PACRGL: variants seen among roughly 807,000 people sequenced by gnomAD.
PACRGL encodes the protein parkin coregulated like, also known as PACRG-like protein.
PACRGL carries 38 observed loss-of-function variants against 34.5 expected under a neutral mutation model. The observed-to-expected ratio is 1.10, with a 90% CI of 0.85 to 1.44. The LOEUF is 1.44. Ranked by LOEUF, PACRGL falls within the 40% of genes most tolerant of loss-of-function variation. The pLI is 0.00. For synonymous variants in PACRGL, 128 were observed against 100.1 expected (o/e 1.28, Z -1.66); for missense variants, 305 against 281.4 (o/e 1.08, Z -0.60).
intron 8 of PACRGL, among the ~76,000 whole-genome samples, chr4:20,746,457 C>G (rs950457919): frequency 6.6e-6 from 1 of 151,880 alleles, no homozygotes; most frequent in Admixed American, 6.6e-5. Context: ...ACCACCATGG[C>G]ACGTGTATAC....
intron 7 of PACRGL, among the ~76,000 whole-genome samples, chr4:20,721,916 C>T (rs1578299512): frequency 6.6e-6 from 1 of 152,248 alleles, no homozygotes; most frequent in African/African-American, 2.4e-5. Context: ...ATGCCCTGCC[C>T]CCAGAGGTGG....
chr4:20,752,875 T>C (rs1753889618), downstream of PACRGL: 1 of 152,244 alleles, frequency 6.6e-6, no homozygotes, highest in Non-Finnish European at 1.5e-5. Context: ...TCTTAAGCAC[T>C]CAATAAATAT....
rs200005672 is a variant in PACRGL at position 20,709,725 on chromosome 4, T to A, written c.318T>A (p.Cys106Ter). Reference protein sequence around the residue: ...GSVKHRLQWECPPESLSFDPL... With the variant: ...GSVKHRLQWE The stretch of plus-strand genomic sequence containing the variant: ...TAAAACACAGATTACAGTGGGAATG[T>A]CCTCCTGAAAGTCTTTCATTTGATC... The change falls in exon 5 of 9, where the codon TGT (cysteine) becomes TGA (stop). Residue 106 changes from cysteine (C) to a stop codon, truncating the protein, a stop_gained. Coordinates refer to ENST00000503585, the MANE Select transcript of PACRGL (RefSeq NM_001258345.3). LOFTEE classifies it high-confidence loss of function. 6.9e-5 allele frequency: 111 copies of A among 1,610,462 alleles called. No individual in the cohort carries two copies. Among genetic ancestry groups the A allele is most frequent in the Middle Eastern group, 4.9e-4 (3 of 6,068 alleles).
chr4:20,747,348 G>A (rs1285497185), intron 8 of PACRGL, among the ~76,000 whole-genome samples: 2 of 152,116 alleles, frequency 1.3e-5, no homozygotes, highest in East Asian at 3.9e-4. Context: ...TATATTAGGT[G>A]AACTATATTA....
At chr4:20,697,231 T>A (rs1731279951), upstream of PACRGL, among the ~76,000 whole-genome samples, 1 of 152,222 alleles carries the variant, frequency 6.6e-6, no homozygotes. Flanking sequence ...ATTTCTTGTA[T>A]CACATTTCTC....
At position 20,727,544 on chromosome 4, in the gene PACRGL, G is replaced by C. The variant is rs1435408524; in HGVS notation, c.*203G>C. The C allele has an allele frequency of 2.1e-6, 1 of 466,906 alleles. No individual in the cohort carries two copies. Among genetic ancestry groups the C allele is most frequent in the Non-Finnish European group, 3.8e-6 (1 of 261,524 alleles). 28.9% of individuals were successfully genotyped at this position (466,906 alleles called of 1,614,324 possible). A position where few individuals can be genotyped will look rare whatever the true frequency, so the allele number is the denominator to read the frequency against. ...AAAGTTATTAAAATAAGTTCTATAA[G>C]AGTACAATTTTGAGGTTTATTTTTT... On this transcript the variant is annotated 3_prime_UTR_variant, in exon 9 of 9. Coordinates refer to ENST00000503585, the MANE Select transcript of PACRGL (RefSeq NM_001258345.3).
At chr4:20,702,390 A>C (rs954339418) in intron 1 of PACRGL, among the ~76,000 whole-genome samples, 1 of 152,206 alleles carries the variant, frequency 6.6e-6, no homozygotes, top group Non-Finnish European at 1.5e-5. Context: ...GATGTAGCCC[A>C]AGATGTTAAG....
At chr4:20,714,070 G>A (rs938275999) in intron 7 of PACRGL, among the ~76,000 whole-genome samples, 11 of 151,674 alleles carry the variant, frequency 7.3e-5, no homozygotes, top group Non-Finnish European at 1.5e-4. Context: ...TTTCTGTCTC[G>A]TTGATCTGTC....
downstream of PACRGL, among the ~76,000 whole-genome samples, chr4:20,735,018 A>G (rs1049760100): frequency 6.6e-6 from 1 of 152,202 alleles, no homozygotes; most frequent in Non-Finnish European, 1.5e-5. Context: ...TATAAGTGGT[A>G]TTGGCTTTCC....
At chr4:20,701,196 G>T (rs1029613382) in intron 1 of PACRGL, among the ~76,000 whole-genome samples, 1 of 152,174 alleles carries the variant, frequency 6.6e-6, no homozygotes, top group Non-Finnish European at 1.5e-5. Context: ...TTAAAGCTGA[G>T]TACGGGAGAA....
downstream of PACRGL, chr4:20,734,583 T>C: frequency 1.1e-6 from 1 of 917,496 alleles, no homozygotes; most frequent in Non-Finnish European, 1.6e-6. Flanking sequence ...AGTTAAGAAA[T>C]GAAAATGGTC....
In PACRGL at chr4:20,730,216, A is replaced by G; in HGVS notation, c.*2875A>G. 1.4e-6 allele frequency: 2 copies of G among 1,455,184 alleles called. No homozygotes were observed. Among genetic ancestry groups the G allele is most frequent in the Non-Finnish European group, 9.2e-7 (1 of 1,090,190 alleles). 90.1% of individuals were successfully genotyped at this position (1,455,184 alleles called of 1,614,324 possible). On this transcript the variant is annotated 3_prime_UTR_variant, in exon 9 of 9. Coordinates refer to ENST00000503585, the MANE Select transcript of PACRGL (RefSeq NM_001258345.3). Reference sequence around the variant, plus strand: ...TTGCCCCTGAGTATTGCCTCCTCCCATCAACCACCTCAACCACCTATGCCA... The same window carrying G: ...TTGCCCCTGAGTATTGCCTCCTCCCGTCAACCACCTCAACCACCTATGCCA...
At chr4:20,754,288 C>T (rs768849104), downstream of PACRGL, among the ~76,000 whole-genome samples, 3 of 152,136 alleles carry the variant, frequency 2.0e-5, 1 homozygote, top group Non-Finnish European at 4.4e-5. Flanking sequence ...AACAGCCTGA[C>T]ACAATACAAA....
intron 1 of PACRGL, chr4:20,701,667 G>C: frequency 3.0e-6 from 1 of 332,564 alleles, no homozygotes; most frequent in Non-Finnish European, 6.0e-6. Context: ...CATGCTTCCA[G>C]GTGGATATTA....
chr4:20,728,766 A>G lies in PACRGL; in HGVS notation c.*1425A>G, dbSNP rs760628257. On this transcript the variant is annotated 3_prime_UTR_variant, in exon 9 of 9. Transcript: ENST00000503585. ...ATAGCAGGGCAGCTTTCAACATCCT[A>G]TCTCTACACCAGAATAGATACCTGA... 5 of 152,684 alleles carry G rather than the reference A, an allele frequency of 3.3e-5. No individual in the cohort carries two copies. Among genetic ancestry groups the G allele is most frequent in the South Asian group, 4.1e-4 (2 of 4,832 alleles). The allele number at this position is 152,684 out of a possible 1,614,324, so 9.5% of individuals were successfully genotyped here.
the PACRGL span, chr4:20,758,786 T>G: frequency 1.1e-5 from 17 of 1,516,808 alleles, no homozygotes; most frequent in Non-Finnish European, 1.6e-5. Flanking sequence ...ATTGTAACTC[T>G]GATAGTATGT....
chr4:20,756,390 CT>C (rs1754448609), downstream of PACRGL, among the ~76,000 whole-genome samples: 1 of 152,082 alleles, frequency 6.6e-6, no homozygotes, highest in African/African-American at 2.4e-5. Flanking sequence ...ATTCTGAATC[CT>C]ATTTATCTCT....
At chr4:20,766,850 A>C in the PACRGL span, 1 of 152,208 alleles carries the variant, frequency 6.6e-6, no homozygotes, top group African/African-American at 2.4e-5. Context: ...GGAGTTAAAT[A>C]GAAGGCCTGG....
intron 7 of PACRGL, among the ~76,000 whole-genome samples, chr4:20,714,469 CTT>C (rs1485565773): frequency 1.3e-5 from 2 of 152,092 alleles, no homozygotes; most frequent in African/African-American, 4.8e-5. Context: ...CAGTCTGTGT[CTT>C]TTAATTGGAG....
Sources: gnomAD v4.1 joint callset for allele counts (sites outside exome capture counted in the v4.1 genomes callset) on GRCh38, gnomAD v4.1.1 for gene constraint, MANE v1.5 for transcripts, NCBI Gene and HGNC (gene_info 2026-07-23, HGNC 2026-07-21) for gene names.